Variants in XKR9 observed in about 807,000 individuals in gnomAD.
The protein encoded by XKR9 is XK related 9.
A neutral mutation model predicts 32.0 loss-of-function variants in XKR9; 32 were observed. The ratio of observed to expected loss-of-function variants is 1.00; its 90% CI spans 0.76 to 1.34. XKR9 has a LOEUF of 1.34. XKR9 is among the 40% of genes most tolerant of loss of function. XKR9 has a pLI of 0.00. For synonymous variants in XKR9, 168 were observed against 143.4 expected (o/e 1.17, Z -1.22); for missense variants, 546 against 429.7 (o/e 1.27, Z -2.39).
intron 2 of XKR9, among the ~76,000 whole-genome samples, chr8:70,778,499 C>G (rs1030605453): frequency 7.2e-5 from 11 of 152,108 alleles, no homozygotes; most frequent in Non-Finnish European, 1.6e-4. Flanking sequence ...TCAGTGGTAG[C>G]TTGATGGCAA....
At chr8:70,850,187 C>G in the XKR9 span, among the ~76,000 whole-genome samples, 1 of 151,936 alleles carries the variant, frequency 6.6e-6, no homozygotes, top group Non-Finnish European at 1.5e-5. Context: ...TGAGGCTGGG[C>G]ACGGTGGCTC....
intron 4 of XKR9, among the ~76,000 whole-genome samples, chr8:70,712,401 T>C (rs138921521): frequency 1.3e-5 from 2 of 152,214 alleles, no homozygotes; most frequent in Non-Finnish European, 2.9e-5. Flanking sequence ...AATTATACTC[T>C]GAGGGTTTTA....
the XKR9 span, among the ~76,000 whole-genome samples, chr8:71,007,599 A>G: frequency 1.3e-5 from 2 of 152,184 alleles, no homozygotes; most frequent in African/African-American, 4.8e-5. Context: ...AAGGGGTCAA[A>G]GGTGAAAAAA....
chr8:71,022,853 T>A, the XKR9 span, among the ~76,000 whole-genome samples: 1 of 152,156 alleles, frequency 6.6e-6, no homozygotes, highest in African/African-American at 2.4e-5. Context: ...AGTTCTGAAA[T>A]TCTTTCTTCT....
the XKR9 span, among the ~76,000 whole-genome samples, chr8:71,043,736 A>G: frequency 2.0e-5 from 3 of 152,204 alleles, no homozygotes; most frequent in South Asian, 6.2e-4. Flanking sequence ...CTGTTTTCAT[A>G]GCTTTTTTCC....
the XKR9 span, among the ~76,000 whole-genome samples, chr8:70,824,305 A>G: frequency 6.6e-6 from 1 of 152,150 alleles, no homozygotes; most frequent in Non-Finnish European, 1.5e-5. Flanking sequence ...CAGAATTATG[A>G]ACACAATTAT....
chr8:70,845,432 G>T, the XKR9 span, among the ~76,000 whole-genome samples: 48,463 of 151,898 alleles, frequency 0.32, 9,085 homozygotes, highest in Non-Finnish European at 0.43. Context: ...CTCTGCAAAG[G>T]ATTCCAACAA....
At chr8:70,829,640 G>T in the XKR9 span, among the ~76,000 whole-genome samples, 1 of 152,102 alleles carries the variant, frequency 6.6e-6, no homozygotes, top group South Asian at 2.1e-4. Flanking sequence ...AGTAGAGACG[G>T]GGTTTCACTG....
the XKR9 span, among the ~76,000 whole-genome samples, chr8:71,064,174 C>T: frequency 6.6e-6 from 1 of 152,100 alleles, no homozygotes; most frequent in South Asian, 2.1e-4. Flanking sequence ...ATATACCCAT[C>T]ATTGAGATTT....
chr8:71,037,914 A>C, the XKR9 span, among the ~76,000 whole-genome samples: 1 of 152,188 alleles, frequency 6.6e-6, no homozygotes, highest in South Asian at 2.1e-4. Context: ...ATTAAAACTC[A>C]CATCTGTCTT....
rs201648286 is a variant in XKR9, at chr8:70,771,674, A to G, written n.353-17665A>G. On this transcript the variant is annotated intron_variant and non_coding_transcript_variant, in intron 2 of 3. Transcript: ENST00000520273. Reference sequence around the variant, plus strand: ...ATTGAAGATTGGGTTTGTCTAGATCAAAAGAAAATGTGGCCTATGTTCTTT... The same window carrying G: ...ATTGAAGATTGGGTTTGTCTAGATCGAAAGAAAATGTGGCCTATGTTCTTT... 1.3e-4 allele frequency among the ~76,000 whole-genome samples: 20 copies of G among 152,346 alleles called. No homozygotes were observed. In the East Asian group the frequency reaches 3.7e-3, roughly 28 times the overall value.
chr8:70,863,385 C>T, the XKR9 span, among the ~76,000 whole-genome samples: 1 of 152,136 alleles, frequency 6.6e-6, no homozygotes, highest in Non-Finnish European at 1.5e-5. Context: ...TGTAGTAGGA[C>T]ACTAATTTAA....
chr8:70,904,700 A>G, the XKR9 span, among the ~76,000 whole-genome samples: 2 of 152,194 alleles, frequency 1.3e-5, no homozygotes, highest in African/African-American at 4.8e-5. Context: ...TAGTTGATGC[A>G]GCTTCTTACT....
rs554198251 is a variant in XKR9, at chr8:70,744,706, C to T, written n.352+37553C>T. On this transcript the variant is annotated intron_variant and non_coding_transcript_variant, in intron 2 of 3. Coordinates refer to the XKR9 transcript ENST00000520273. ...CCACAACCTCCACCTCCTGGGTTCGCGTGATTCTTGTGCCTCAGCCACTCA... is the reference window on the plus strand; with the variant it reads ...CCACAACCTCCACCTCCTGGGTTCGTGTGATTCTTGTGCCTCAGCCACTCA... 1.4e-4 allele frequency among the ~76,000 whole-genome samples: 22 copies of T among 152,278 alleles called. No homozygotes were observed. The South Asian group carries it at 2.1e-3, about 14-fold the overall frequency.
intron 2 of XKR9, among the ~76,000 whole-genome samples, chr8:70,770,268 G>A (rs1217493389): frequency 6.6e-6 from 1 of 152,150 alleles, no homozygotes; most frequent in African/African-American, 2.4e-5. Context: ...CATCACCAGT[G>A]GAGGCTGCAG....
At chr8:70,744,329 T>C (rs1807028460) in intron 2 of XKR9, among the ~76,000 whole-genome samples, 1 of 152,046 alleles carries the variant, frequency 6.6e-6, no homozygotes, top group Non-Finnish European at 1.5e-5. Flanking sequence ...AAAATCTTTC[T>C]GTAATATTTA....
chr8:70,772,056 T>A (rs1225991777), intron 2 of XKR9, among the ~76,000 whole-genome samples: 5 of 152,230 alleles, frequency 3.3e-5, no homozygotes, highest in Non-Finnish European at 7.3e-5. Flanking sequence ...TAAATTTTAT[T>A]TGAGATGGTC....
the XKR9 span, among the ~76,000 whole-genome samples, chr8:70,799,429 C>T: frequency 6.6e-6 from 1 of 152,146 alleles, no homozygotes. Flanking sequence ...CACTGGGGCT[C>T]AAGTGATTCT....
At chr8:70,840,699 C>T in the XKR9 span, among the ~76,000 whole-genome samples, 43 of 152,212 alleles carry the variant, frequency 2.8e-4, no homozygotes, top group African/African-American at 5.8e-4. Flanking sequence ...TGTGCATCCT[C>T]GAGGCAACTG....
Sources: gnomAD v4.1 joint callset for allele counts (sites outside exome capture counted in the v4.1 genomes callset) on GRCh38, gnomAD v4.1.1 for gene constraint, MANE v1.5 for transcripts, NCBI Gene and HGNC (gene_info 2026-07-23, HGNC 2026-07-21) for gene names.